RANBP9: variants seen among roughly 807,000 people sequenced by gnomAD.
RANBP9 encodes RAN binding protein 9.
A neutral mutation model predicts 84.3 loss-of-function variants in RANBP9; 15 were observed. The observed-to-expected ratio is 0.18, with a 90% CI of 0.12 to 0.27. The LOEUF (loss-of-function observed/expected upper bound fraction) is 0.27. RANBP9 is among the 10% of genes least tolerant of loss of function. RANBP9 has a pLI of 1.00. For missense variants in RANBP9, 809 were observed against 912.8 expected (o/e 0.89, Z 1.46); for synonymous variants, 392 against 349.6 (o/e 1.12, Z -1.35).
Position 13,646,312 on chromosome 6 carries a change from G to A in RANBP9, c.928-1583C>T, listed in dbSNP as rs193046098. 2.2e-4 allele frequency among the ~76,000 whole-genome samples: 33 copies of A among 152,324 alleles called. 1 individual carries two copies. The East Asian group carries it at 4.8e-3, about 22-fold the overall frequency. On this transcript the variant is annotated intron_variant, in intron 5 of 13. Coordinates refer to ENST00000011619, the MANE Select transcript of RANBP9 (RefSeq NM_005493.3). ...TAATCCCAGCTACTCGGGAGGCTGA[G>A]GAAGGATAATCGCTTGAACCGGGGA...
intron 2 of RANBP9, among the ~76,000 whole-genome samples, chr6:13,684,241 TTCTTC>T (rs892700583): frequency 2.6e-5 from 4 of 152,204 alleles, no homozygotes; most frequent in African/African-American, 7.2e-5. Context: ...GATAAAGATT[TTCTTC>T]TCTTGTCTTT....
intron 2 of RANBP9, among the ~76,000 whole-genome samples, chr6:13,677,692 C>T (rs1277686270): frequency 1.3e-5 from 2 of 152,088 alleles, no homozygotes; most frequent in Admixed American, 6.5e-5. Context: ...GAACATATAC[C>T]CATTTTTTTC....
At chr6:13,708,981 AAAT>A (rs1758203262) in intron 1 of RANBP9, among the ~76,000 whole-genome samples, 2 of 152,246 alleles carry the variant, frequency 1.3e-5, no homozygotes, top group Non-Finnish European at 2.9e-5. Flanking sequence ...GTTCTTCCAG[AAAT>A]AATGATTTAT....
At chr6:13,698,649 T>C (rs1584948649) in intron 1 of RANBP9, among the ~76,000 whole-genome samples, 1 of 152,226 alleles carries the variant, frequency 6.6e-6, no homozygotes, top group African/African-American at 2.4e-5. Context: ...AAATAATAGT[T>C]ACATATATTT....
intron 12 of RANBP9, among the ~76,000 whole-genome samples, chr6:13,627,540 G>A (rs569470276): frequency 7.0e-6 from 1 of 143,054 alleles, no homozygotes; most frequent in South Asian, 2.2e-4. Context: ...TGAGGCAGGA[G>A]AATCACTTGA....
intron 5 of RANBP9, among the ~76,000 whole-genome samples, chr6:13,645,166 A>C (rs940667955): frequency 1.3e-5 from 2 of 152,158 alleles, no homozygotes; most frequent in Non-Finnish European, 2.9e-5. Flanking sequence ...TAAAAGTATG[A>C]TCTCAGCTAG....
At chr6:13,658,375 G>A (rs1033156146) in intron 3 of RANBP9, among the ~76,000 whole-genome samples, 7 of 152,170 alleles carry the variant, frequency 4.6e-5, no homozygotes, top group Non-Finnish European at 7.4e-5. Flanking sequence ...TTGGGAGGCC[G>A]AGGCAGGTGG....
intron 2 of RANBP9, among the ~76,000 whole-genome samples, chr6:13,673,292 C>T (rs1029036300): frequency 6.6e-6 from 1 of 152,062 alleles, no homozygotes; most frequent in Non-Finnish European, 1.5e-5. Context: ...GATTTAGCAT[C>T]CAGAGAAATT....
At chr6:13,692,449 C>T (rs539582041) in intron 2 of RANBP9, among the ~76,000 whole-genome samples, 3 of 144,190 alleles carry the variant, frequency 2.1e-5, no homozygotes, top group African/African-American at 7.7e-5. Context: ...ATCACTTGAA[C>T]CTGGGAGGCA....
At chr6:13,702,519 T>C (rs1310016599) in intron 1 of RANBP9, among the ~76,000 whole-genome samples, 3 of 152,240 alleles carry the variant, frequency 2.0e-5, no homozygotes, top group East Asian at 3.8e-4. Context: ...TATTTTCATT[T>C]AATTTATGTC....
In RANBP9 at chr6:13,637,845, T is replaced by C; in HGVS notation, c.1636A>G (p.Asn546Asp). 6.2e-7 allele frequency: 1 copy of C among 1,607,318 alleles called. No individual in the cohort carries two copies. The highest frequency in any genetic ancestry group is 1.1e-5 in the South Asian group (1 of 89,642). The part of the protein sequence containing the change: ...NLNVPELNSI[N>D]MSRSQQVNNF... ...TTAACTTGCTGTGATCTTGACATAT[T>C]TATACTGTTTAGTTCTGGTACATTC... The change falls in exon 10 of 14, where the codon AAT (asparagine) becomes GAT (aspartate). Residue 546 changes from asparagine to aspartate, a missense_variant. This residue lies in a region of RANBP9 where 233 missense variants were observed against 234.4 expected (regional missense o/e 0.99). Transcript: ENST00000011619.
chr6:13,646,034 A>C (rs1272210987), intron 5 of RANBP9, among the ~76,000 whole-genome samples: 1 of 152,248 alleles, frequency 6.6e-6, no homozygotes, highest in African/African-American at 2.4e-5. Context: ...AGAGCTAACA[A>C]GTTTATAAAC....
chr6:13,684,521 T>C (rs1766121991), intron 2 of RANBP9, among the ~76,000 whole-genome samples: 1 of 152,248 alleles, frequency 6.6e-6, no homozygotes, highest in Admixed American at 6.5e-5. Context: ...AATCATACAA[T>C]TCAACTTTCC....
Position 13,711,696 on chromosome 6 carries a change from C to A in RANBP9, c.-191G>T. The A allele has an allele frequency of 8.5e-6, 3 of 351,516 alleles. No homozygotes were observed. Among genetic ancestry groups the A allele is most frequent in the Non-Finnish European group, 1.4e-5 (3 of 213,858 alleles). The allele number at this position is 351,516 out of a possible 1,614,324, so 21.8% of individuals were successfully genotyped here. A position where few individuals can be genotyped will look rare whatever the true frequency, so the allele number is the denominator to read the frequency against. The stretch of plus-strand genomic sequence containing the variant: ...CGGAGACGCGGGAGTAGGCGGCGGG[C>A]CCGGGAGGCCGGGAGAGAACGTTGG... On this transcript the variant is annotated 5_prime_UTR_variant, in exon 1 of 14. Transcript: ENST00000011619.
Position 13,639,653 on chromosome 6 carries a change from G to A in RANBP9, c.1435C>T (p.Arg479Ter). 2 of 1,612,922 alleles carry A rather than the reference G, an allele frequency of 1.2e-6. No individual in the cohort carries two copies. Among genetic ancestry groups the A allele is most frequent in the Non-Finnish European group, 8.5e-7 (1 of 1,178,938 alleles). ...KSQDSYPVSP[R>*]PFSSPSMSPS... ...CTCATACTTGGACTACTAAAAGGTCGAGGACTAACAGGATAACTGTCTTGA... is the reference window on the plus strand; with the variant it reads ...CTCATACTTGGACTACTAAAAGGTCAAGGACTAACAGGATAACTGTCTTGA... Residue 479 changes from arginine (R) to a stop codon, truncating the protein, a stop_gained, in exon 9 of 14, where the codon CGA becomes TGA. Coordinates refer to ENST00000011619, the MANE Select transcript of RANBP9 (RefSeq NM_005493.3). LOFTEE classifies it high-confidence loss of function.
intron 1 of RANBP9, among the ~76,000 whole-genome samples, chr6:13,705,666 C>T (rs1758090935): frequency 6.6e-6 from 1 of 151,452 alleles, no homozygotes; most frequent in Admixed American, 6.6e-5. Context: ...TCAAGACCAT[C>T]CTGACTAACT....
At chr6:13,649,720 C>T (rs1354927067) in intron 5 of RANBP9, among the ~76,000 whole-genome samples, 3 of 151,984 alleles carry the variant, frequency 2.0e-5, no homozygotes, top group African/African-American at 4.8e-5. Context: ...TTTTCTACTG[C>T]CCCCACTTCC....
intron 2 of RANBP9, among the ~76,000 whole-genome samples, chr6:13,665,536 G>T (rs1159512810): frequency 6.6e-6 from 1 of 152,140 alleles, no homozygotes; most frequent in Non-Finnish European, 1.5e-5. Context: ...TATGTTTTTG[G>T]TGGGAATTTA....
At chr6:13,678,074 C>T (rs569813149) in intron 2 of RANBP9, among the ~76,000 whole-genome samples, 1 of 152,090 alleles carries the variant, frequency 6.6e-6, no homozygotes, top group Non-Finnish European at 1.5e-5. Flanking sequence ...ACAGTGATCA[C>T]GTCACTGTAC....
Sources: gnomAD v4.1 joint callset for allele counts (sites outside exome capture counted in the v4.1 genomes callset) on GRCh38, gnomAD v4.1.1 for gene constraint, gnomAD v4.1.1 regional missense constraint, MANE v1.5 for transcripts, NCBI Gene and HGNC (gene_info 2026-07-23, HGNC 2026-07-21) for gene names.